Variants in MED27 observed in about 807,000 individuals in gnomAD.
The protein encoded by MED27 is mediator of RNA polymerase II transcription subunit 27.
A neutral mutation model predicts 38.2 loss-of-function variants in MED27; 30 were observed. The observed-to-expected ratio is 0.79, with a 90% confidence interval of 0.59 to 1.07. The LOEUF (loss-of-function observed/expected upper bound fraction) is 1.07. Ranked by LOEUF, MED27 falls within the 50% of genes least tolerant of loss-of-function variation. MED27 has a pLI of 0.00. For missense variants in MED27, 289 were observed against 397.5 expected (o/e 0.73, Z 2.32); for synonymous variants, 122 against 153.5 (o/e 0.79, Z 1.52).
At chr9:131,878,986 T>A (rs2131474729) in intron 6 of MED27, among the ~76,000 whole-genome samples, 1 of 152,304 alleles carries the variant, frequency 6.6e-6, no homozygotes, top group Non-Finnish European at 1.5e-5. Flanking sequence ...CATAGCAAGC[T>A]GTCCCCAGCC....
At chr9:131,930,322 T>C (rs1218314050) in intron 4 of MED27, among the ~76,000 whole-genome samples, 5 of 151,798 alleles carry the variant, frequency 3.3e-5, no homozygotes, top group Non-Finnish European at 7.4e-5. Context: ...AATCAAACTC[T>C]CAAAGGTCAA....
At chr9:131,983,122 T>C (rs1209857483) in intron 3 of MED27, among the ~76,000 whole-genome samples, 1 of 152,180 alleles carries the variant, frequency 6.6e-6, no homozygotes, top group East Asian at 1.9e-4. Context: ...CCAGGCATAA[T>C]ACTAGCCACT....
rs1386215952 is a variant in MED27, at chr9:131,965,866, C to A, written c.480-26392G>T. Reference sequence around the variant, plus strand: ...CACTAACTTTAGACCTGTATCACCACCACCACCCGCTGGGAATTCTCTTTT... The same window carrying A: ...CACTAACTTTAGACCTGTATCACCAACACCACCCGCTGGGAATTCTCTTTT... On this transcript the variant is annotated intron_variant, in intron 3 of 7. Transcript: ENST00000292035. 5.9e-5 allele frequency among the ~76,000 whole-genome samples: 9 copies of A among 151,982 alleles called. No homozygotes were observed. In the East Asian group the frequency reaches 1.7e-3, roughly 29 times the overall value.
At chr9:131,897,654 G>A (rs1041904681) in intron 4 of MED27, among the ~76,000 whole-genome samples, 1 of 152,184 alleles carries the variant, frequency 6.6e-6, no homozygotes, top group Non-Finnish European at 1.5e-5. Context: ...GGTGGAGGTG[G>A]AGGTGACAAG....
chr9:131,899,953 C>A (rs1045663281), intron 4 of MED27, among the ~76,000 whole-genome samples: 5 of 152,226 alleles, frequency 3.3e-5, no homozygotes, highest in African/African-American at 1.2e-4. Flanking sequence ...CCGACGGGGG[C>A]TACAGGTCGG....
chr9:131,864,684 C>T (rs932331030), intron 6 of MED27, among the ~76,000 whole-genome samples: 1 of 152,246 alleles, frequency 6.6e-6, no homozygotes, highest in Non-Finnish European at 1.5e-5. Flanking sequence ...GCGCCCCGCA[C>T]GGTGATGTGT....
At chr9:131,952,091 G>A (rs1403299117) in intron 3 of MED27, among the ~76,000 whole-genome samples, 1 of 152,190 alleles carries the variant, frequency 6.6e-6, no homozygotes, top group African/African-American at 2.4e-5. Context: ...ATCCCGCACT[G>A]TGCCCCAGGA....
chr9:132,058,212 C>G (rs1457062865), intron 2 of MED27, among the ~76,000 whole-genome samples: 1 of 152,202 alleles, frequency 6.6e-6, no homozygotes, highest in Non-Finnish European at 1.5e-5. Context: ...TCTAGGGACA[C>G]TGGTCTCCCT....
At chr9:132,002,942 G>C (rs372059689) in intron 3 of MED27, among the ~76,000 whole-genome samples, 1 of 140,588 alleles carries the variant, frequency 7.1e-6, no homozygotes, top group Non-Finnish European at 1.6e-5. Context: ...AAAAGAAAAA[G>C]AAAAGAAACC....
chr9:132,077,091 C>T (rs909931751), intron 2 of MED27, among the ~76,000 whole-genome samples: 3 of 152,168 alleles, frequency 2.0e-5, no homozygotes, highest in Non-Finnish European at 4.4e-5. Flanking sequence ...GATTCCTCTG[C>T]GAACCTGACA....
intron 4 of MED27, among the ~76,000 whole-genome samples, chr9:131,935,487 A>G (rs1337945621): frequency 6.6e-6 from 1 of 152,240 alleles, no homozygotes; most frequent in East Asian, 1.9e-4. Context: ...GAGAAAGAAT[A>G]AAGTGTGGAC....
At chr9:132,069,988 C>G (rs1456941840) in intron 2 of MED27, among the ~76,000 whole-genome samples, 1 of 152,316 alleles carries the variant, frequency 6.6e-6, no homozygotes, top group African/African-American at 2.4e-5. Context: ...ACACTGGGCA[C>G]CGGCCTAGGT....
intron 2 of MED27, among the ~76,000 whole-genome samples, chr9:132,048,239 T>G (rs931998809): frequency 2.6e-5 from 4 of 152,286 alleles, no homozygotes; most frequent in Non-Finnish European, 5.9e-5. Flanking sequence ...TAAGTCATGT[T>G]ATAGATTTTC....
Position 132,012,657 on chromosome 9 carries a change from C to T in MED27, c.479+1680G>A, listed in dbSNP as rs563254770. Among the ~76,000 whole-genome samples, 107 of 152,286 alleles carry T rather than the reference C, an allele frequency of 7.0e-4. 1 individual carries two copies. Among genetic ancestry groups the T allele is most frequent in the Non-Finnish European group, 1.2e-3 (83 of 68,028 alleles). ...CTCATATTGGCTCCTCAGAGAAGCC[C>T]TCTTTGATCACCCTATTTAACAGTA... is the stretch of plus-strand genomic sequence containing the variant. On this transcript the variant is annotated intron_variant, in intron 3 of 7. Transcript: ENST00000292035.
At chr9:131,943,837 G>A (rs1291374013) in intron 3 of MED27, among the ~76,000 whole-genome samples, 3 of 152,166 alleles carry the variant, frequency 2.0e-5, no homozygotes, top group Non-Finnish European at 4.4e-5. Context: ...TTTGGTCAAT[G>A]AGCTGGCTTG....
rs182006869 is a variant in MED27 at position 132,026,955 on chromosome 9, G to A, written c.349-12488C>T. Among the ~76,000 whole-genome samples, 832 of 152,298 alleles carry A rather than the reference G, an allele frequency of 5.5e-3. 13 individuals are homozygous for A. Among genetic ancestry groups the A allele is most frequent in the African/African-American group, 0.019 (777 of 41,546 alleles). On this transcript the variant is annotated intron_variant, in intron 2 of 7. Transcript: ENST00000292035. ...GACGTTAAGCGGCAGGGTCAGGACT[G>A]GTATCCGGGGAGCCTGGCTCTGGGG...
chr9:131,926,093 C>T (rs1564285698), intron 4 of MED27, among the ~76,000 whole-genome samples: 1 of 152,058 alleles, frequency 6.6e-6, no homozygotes, highest in Non-Finnish European at 1.5e-5. Flanking sequence ...GCTCTGGCCA[C>T]CCCGCTTCTG....
intron 4 of MED27, among the ~76,000 whole-genome samples, chr9:131,902,607 C>G (rs4615623): frequency 0.54 from 81,618 of 152,030 alleles, 23,778 homozygotes; most frequent in Non-Finnish European, 0.66. Context: ...TTCTTCCATA[C>G]TGAAGGTCAC....
intron 2 of MED27, among the ~76,000 whole-genome samples, chr9:132,066,091 GTGCCAGGCA>G: frequency 6.6e-6 from 1 of 152,314 alleles, no homozygotes; most frequent in Middle Eastern, 3.4e-3. Flanking sequence ...TCTGTACTCA[GTGCCAGGCA>G]TGCCAAGACG....
Sources: allele counts gnomAD v4.1 joint callset (sites outside exome capture counted in the v4.1 genomes callset), GRCh38; gene constraint gnomAD v4.1.1; transcripts MANE v1.5; gene names NCBI Gene and HGNC (gene_info 2026-07-23, HGNC 2026-07-21).